YEATS2: variants seen among roughly 807,000 people sequenced by gnomAD.
YEATS2 encodes YEATS domain containing 2.
YEATS2 carries 77 observed loss-of-function variants against 163.2 expected under a neutral mutation model. The observed-to-expected ratio is 0.47, with a 90% CI of 0.39 to 0.57. The LOEUF is 0.57. YEATS2 is among the 20% of genes least tolerant of loss of function. YEATS2 has a pLI of 0.00. For synonymous variants in YEATS2, 631 were observed against 645.1 expected, an observed-to-expected ratio of 0.98 and a Z score of 0.33; for missense variants, 1,549 against 1,729.8, an observed-to-expected ratio of 0.90 and a Z score of 1.85.
intron 21 of YEATS2, among the ~76,000 whole-genome samples, chr3:183,794,210 G>T (rs932280635): frequency 3.9e-5 from 6 of 152,164 alleles, no homozygotes; most frequent in African/African-American, 1.4e-4. Context: ...GGGGCACAAG[G>T]TGGAAGCAGG....
chr3:183,747,462 T>C (rs1719665810), intron 8 of YEATS2, among the ~76,000 whole-genome samples: 1 of 152,072 alleles, frequency 6.6e-6, no homozygotes. Context: ...AATTATAATT[T>C]ATATTAAAAA....
At chr3:183,722,278 C>CTTTTTTTTTTTTTTTTTTTTTTTT (rs200048624) in intron 5 of YEATS2, 142 bp downstream of exon 5, 2 of 289,402 alleles carry the variant, frequency 6.9e-6, no homozygotes, top group African/African-American at 9.1e-5. Flanking sequence ...GAAACCAAAT[C>CTTTTTTTTTTTTTTTTTTTTTTTT]TTTTTTTTTT....
At chr3:183,760,410 C>T (rs1038591970) in intron 13 of YEATS2, among the ~76,000 whole-genome samples, 3 of 148,756 alleles carry the variant, frequency 2.0e-5, no homozygotes, top group African/African-American at 7.5e-5. Context: ...CAACCTCCTG[C>T]CTCCTGAGTT....
chr3:183,784,067 A>C (rs993365134), intron 19 of YEATS2, among the ~76,000 whole-genome samples: 6 of 152,112 alleles, frequency 3.9e-5, no homozygotes, highest in African/African-American at 1.4e-4. Flanking sequence ...CACCATGGCC[A>C]GCTAACTTTT....
chr3:183,711,929 C>T (rs1362616337), intron 1 of YEATS2, among the ~76,000 whole-genome samples: 8 of 151,262 alleles, frequency 5.3e-5, no homozygotes, highest in African/African-American at 1.5e-4. Context: ...AAGCGATTCT[C>T]CTGCCTCAGC....
chr3:183,708,160 C>CTTT (rs35605564), intron 1 of YEATS2, among the ~76,000 whole-genome samples: 10 of 120,892 alleles, frequency 8.3e-5, no homozygotes, highest in Non-Finnish European at 1.0e-4. Flanking sequence ...GAATTGGCCA[C>CTTT]TTTTTTTTTT....
intron 22 of YEATS2, among the ~76,000 whole-genome samples, chr3:183,798,291 AAGTTG>A (rs1311835880): frequency 2.0e-5 from 3 of 152,016 alleles, no homozygotes; most frequent in Admixed American, 2.0e-4. Context: ...CCCTTATCTA[AAGTTG>A]AGTTGAGGGG....
rs1577236899 is a variant in YEATS2 at position 183,808,297 on chromosome 3, T to A, written c.4086+193T>A. The A allele has an allele frequency of 2.4e-5, 14 of 574,498 alleles. No homozygotes were observed. The East Asian group carries it at 4.1e-4, about 17-fold the overall frequency. The allele number at this position is 574,498 out of a possible 1,614,324, so 35.6% of individuals were successfully genotyped here. A position where few individuals can be genotyped will look rare whatever the true frequency, so the allele number is the denominator to read the frequency against. On this transcript the variant is annotated intron_variant, in intron 29 of 30. Coordinates refer to ENST00000305135, the MANE Select transcript of YEATS2 (RefSeq NM_018023.5). The stretch of plus-strand genomic sequence containing the variant: ...TTTAAATGGACTAAGTTATGTTTCC[T>A]CTGAGTCATGTGGTTTCAGGTGCCT...
intron 11 of YEATS2, among the ~76,000 whole-genome samples, chr3:183,755,868 T>C (rs1047260540): frequency 3.4e-5 from 5 of 147,812 alleles, no homozygotes; most frequent in African/African-American, 1.0e-4. Flanking sequence ...TGCCTCAGCC[T>C]CTCGAGGAGC....
chr3:183,721,055 T>C (rs1560232260), intron 4 of YEATS2, among the ~76,000 whole-genome samples: 1 of 152,228 alleles, frequency 6.6e-6, no homozygotes, highest in Non-Finnish European at 1.5e-5. Context: ...AGTTCTGATC[T>C]GTGCTATTTG....
chr3:183,810,570 A>T lies in YEATS2; in HGVS notation c.4256A>T (p.Asn1419Ile), dbSNP rs1726709352. 1 of 1,614,052 alleles carries T rather than the reference A, an allele frequency of 6.2e-7. No individual in the cohort carries two copies. The highest frequency in any genetic ancestry group is 8.5e-7 in the Non-Finnish European group (1 of 1,179,922). Residue 1419 changes from asparagine to isoleucine, a missense_variant, in exon 31 of 31, where the codon AAT becomes ATT. Coordinates refer to ENST00000305135, the MANE Select transcript of YEATS2 (RefSeq NM_018023.5). Reference protein sequence around the residue: ...FLTNKHMGILNEDQ With the variant: ...FLTNKHMGILIEDQ ...ACAAACAAACACATGGGAATATTGA[A>T]TGAGGACCAGTGAGCGGAGTGAGGT... is the stretch of plus-strand genomic sequence containing the variant.
chr3:183,788,988 C>T (rs1039448423), intron 20 of YEATS2, among the ~76,000 whole-genome samples: 1 of 152,092 alleles, frequency 6.6e-6, no homozygotes, highest in Non-Finnish European at 1.5e-5. Context: ...TGGCTTTTTT[C>T]TATAGAGTTG....
intron 16 of YEATS2, among the ~76,000 whole-genome samples, chr3:183,772,870 A>T (rs1722622296): frequency 6.6e-6 from 1 of 152,192 alleles, no homozygotes; most frequent in Admixed American, 6.5e-5. Flanking sequence ...AAATCCACAG[A>T]TGCTAATCCA....
At chr3:183,736,428 A>G (rs1718348895) in intron 7 of YEATS2, among the ~76,000 whole-genome samples, 1 of 152,212 alleles carries the variant, frequency 6.6e-6, no homozygotes, top group South Asian at 2.1e-4. Context: ...CATTCATCAG[A>G]TCAACCTAGT....
chr3:183,724,931 C>T (rs138184844), intron 6 of YEATS2, among the ~76,000 whole-genome samples: 1,877 of 151,588 alleles, frequency 0.012, 38 homozygotes, highest in African/African-American at 0.043. Flanking sequence ...TTAGTAGAGA[C>T]GGGGTTTCTC....
rs143473253 is a variant in YEATS2, at chr3:183,789,525, A to ATTTTTTTTTTTTTTTTT, written c.2914-1260_2914-1244dup. ...TTAGGTTTCAGATTCATTCGAGTTA[A>ATTTTTTTTTTTTTTTTT]TTTTTTTTTTTTTTTTTTTTTTTTT... On this transcript the variant is annotated intron_variant, in intron 20 of 30. Transcript: ENST00000305135. Among the ~76,000 whole-genome samples the ATTTTTTTTTTTTTTTTT allele has an allele frequency of 3.3e-4, 22 of 66,350 alleles. 4 individuals carry two copies. Among genetic ancestry groups the ATTTTTTTTTTTTTTTTT allele is most frequent in the African/African-American group, 1.4e-3 (21 of 14,618 alleles). The allele number at this position is 66,350 out of a possible 152,430, so 43.5% of individuals were successfully genotyped here.
At position 183,807,045 on chromosome 3, in the gene YEATS2, C is replaced by T. The variant is rs1273106355; in HGVS notation, c.3964C>T (p.Leu1322=). Residue 1322 remains leucine, a synonymous_variant, in exon 28 of 31, where the codon CTG becomes TTG. Coordinates refer to ENST00000305135, the MANE Select transcript of YEATS2 (RefSeq NM_018023.5). ...EEKQEEVKFY[L]PPTPGSEFIG... is the part of the protein sequence containing the mutation. ...GAAACAAGAGGAAGTCAAGTTCTACCTGCCACCAACCCCAGGGTCTGAATT... is the reference window on the plus strand; with the variant it reads ...GAAACAAGAGGAAGTCAAGTTCTACTTGCCACCAACCCCAGGGTCTGAATT... 6.2e-7 allele frequency: 1 copy of T among 1,614,086 alleles called. No homozygotes were observed. The highest frequency in any genetic ancestry group is 1.3e-5 in the African/African-American group (1 of 75,052).
At chr3:183,713,333 G>A (rs1426343177) in intron 1 of YEATS2, among the ~76,000 whole-genome samples, 1 of 152,200 alleles carries the variant, frequency 6.6e-6, no homozygotes, top group African/African-American at 2.4e-5. Flanking sequence ...GGGAGGCCAA[G>A]GCAGGTGGAT....
intron 15 of YEATS2, among the ~76,000 whole-genome samples, chr3:183,767,724 T>A (rs138798755): frequency 2.0e-5 from 3 of 151,816 alleles, no homozygotes; most frequent in East Asian, 3.9e-4. Context: ...ACCATGTTCA[T>A]CACGCTGGTC....
Sources: gnomAD v4.1 joint callset for allele counts (sites outside exome capture counted in the v4.1 genomes callset) on GRCh38, gnomAD v4.1.1 for gene constraint, MANE v1.5 for transcripts, NCBI Gene and HGNC (gene_info 2026-07-23, HGNC 2026-07-21) for gene names.